Variants in EVL observed in about 807,000 individuals in gnomAD.
The protein encoded by EVL is ena/VASP-like protein.
Under a neutral mutation model 59.6 loss-of-function variants are expected in EVL, and 21 were observed. The observed-to-expected ratio is 0.35, with a 90% CI of 0.25 to 0.51. The LOEUF is 0.51. Among genes scored for constraint, EVL ranks in the 20% least tolerant of loss-of-function variants. EVL has a pLI of 0.97. For synonymous variants in EVL, 198 were observed against 203.5 expected (o/e 0.97, Z 0.23); for missense variants, 462 against 546.6 (o/e 0.85, Z 1.54).
chr14:100,124,955 C>T (rs1007032430), intron 4 of EVL, among the ~76,000 whole-genome samples: 1 of 152,048 alleles, frequency 6.6e-6, no homozygotes, highest in Admixed American at 6.6e-5. Flanking sequence ...GACGAGACCA[C>T]GTACGGACGG....
intron 1 of EVL, among the ~76,000 whole-genome samples, chr14:100,000,548 C>T (rs1437017285): frequency 1.3e-5 from 2 of 151,932 alleles, no homozygotes; most frequent in Admixed American, 6.6e-5. Flanking sequence ...GGGGTTTCAC[C>T]GTTTTAGCCA....
intron 1 of EVL, among the ~76,000 whole-genome samples, chr14:100,048,045 A>T (rs1425056745): frequency 6.6e-6 from 1 of 152,252 alleles, no homozygotes; most frequent in Non-Finnish European, 1.5e-5. Flanking sequence ...GACAATCTTC[A>T]TGACCTGGGA....
At chr14:100,027,630 C>CT (rs1006157505) in intron 1 of EVL, among the ~76,000 whole-genome samples, 2 of 151,276 alleles carry the variant, frequency 1.3e-5, no homozygotes, top group African/African-American at 2.4e-5. Context: ...ATTTATACCA[C>CT]TTTTTTTTTA....
chr14:100,103,889 G>A (rs761682943), intron 3 of EVL, among the ~76,000 whole-genome samples: 15 of 152,190 alleles, frequency 9.9e-5, no homozygotes, highest in Non-Finnish European at 1.3e-4. Flanking sequence ...TTTTCTCTGC[G>A]TTTTTCACAT....
chr14:100,061,864 T>A (rs1342492074), upstream of EVL, among the ~76,000 whole-genome samples: 5 of 152,110 alleles, frequency 3.3e-5, no homozygotes, highest in Non-Finnish European at 4.4e-5. Context: ...ATGGATTATC[T>A]TAAAGTTCTT....
chr14:100,140,438 C>T (rs1889095898), intron 11 of EVL: 1 of 152,174 alleles, frequency 6.6e-6, no homozygotes, highest in Non-Finnish European at 1.5e-5. Flanking sequence ...TGGTGAAACC[C>T]CATCTCTGCT....
intron 1 of EVL, among the ~76,000 whole-genome samples, chr14:100,017,504 T>C (rs941060201): frequency 1.3e-5 from 2 of 152,192 alleles, no homozygotes; most frequent in African/African-American, 2.4e-5. Context: ...ATAAAGAACT[T>C]TCCAACTCCT....
At chr14:99,996,339 G>T (rs2060914023) in intron 1 of EVL, among the ~76,000 whole-genome samples, 1 of 152,002 alleles carries the variant, frequency 6.6e-6, no homozygotes, top group Non-Finnish European at 1.5e-5. Context: ...ATCTCCATAG[G>T]GGAAGGAGGA....
chr14:100,061,795 T>G (rs574377830), upstream of EVL, among the ~76,000 whole-genome samples: 8 of 152,284 alleles, frequency 5.3e-5, no homozygotes, highest in African/African-American at 1.9e-4. Flanking sequence ...GAGAAAAAAT[T>G]TTATTAAAAT....
At chr14:99,983,285 AT>A in intron 1 of EVL, among the ~76,000 whole-genome samples, 1 of 152,202 alleles carries the variant, frequency 6.6e-6, no homozygotes. Flanking sequence ...GAGACATAAT[AT>A]TTGGACGTAG....
intron 1 of EVL, among the ~76,000 whole-genome samples, chr14:100,024,353 A>G (rs1240446769): frequency 1.3e-5 from 2 of 152,220 alleles, no homozygotes; most frequent in African/African-American, 2.4e-5. Context: ...CAAGAGCCCA[A>G]GCCAGCTTGG....
At chr14:99,979,518 T>C (rs529050197) in intron 1 of EVL, among the ~76,000 whole-genome samples, 5 of 152,312 alleles carry the variant, frequency 3.3e-5, no homozygotes, top group African/African-American at 1.2e-4. Flanking sequence ...CCTCTGTGTC[T>C]GTCGATTCTG....
At chr14:100,138,624 T>C (rs1761893845) in intron 11 of EVL, 1 of 152,748 alleles carries the variant, frequency 6.5e-6, no homozygotes, top group Non-Finnish European at 1.5e-5. Flanking sequence ...TGAGGAAGTC[T>C]TAGCAGTCAG....
At chr14:100,062,104 C>G (rs545511535), upstream of EVL, among the ~76,000 whole-genome samples, 3 of 151,284 alleles carry the variant, frequency 2.0e-5, no homozygotes, top group African/African-American at 7.3e-5. Context: ...TACCACTGTA[C>G]GCCGGCCTAC....
At chr14:100,092,211 C>T (rs781516046) in intron 2 of EVL, among the ~76,000 whole-genome samples, 5 of 152,066 alleles carry the variant, frequency 3.3e-5, no homozygotes, top group Admixed American at 6.6e-5. Context: ...CAGTGCACTC[C>T]AGTGTGGGTA....
intron 1 of EVL, among the ~76,000 whole-genome samples, chr14:100,076,677 T>C (rs868700373): frequency 1.2e-4 from 18 of 152,244 alleles, no homozygotes; most frequent in African/African-American, 4.3e-4. Context: ...TCGGCTCGGC[T>C]GAGAAAAGTA....
chr14:100,101,951 C>T (rs1344918754), intron 3 of EVL, among the ~76,000 whole-genome samples: 3 of 152,266 alleles, frequency 2.0e-5, no homozygotes, highest in East Asian at 3.9e-4. Context: ...GATTCCCTTG[C>T]CTCAGCCTCA....
chr14:100,084,692 A>G lies in EVL; in HGVS notation c.17A>G (p.Gln6Arg). 6.2e-7 allele frequency: 1 copy of G among 1,614,136 alleles called. No individual in the cohort carries two copies. Among genetic ancestry groups the G allele is most frequent in the Non-Finnish European group, 8.5e-7 (1 of 1,179,982 alleles). Residue 6 changes from glutamine (Q) to arginine (R), a missense_variant, in exon 2 of 14, where the codon CAG becomes CGG. Coordinates refer to ENST00000392920, the MANE Select transcript of EVL (RefSeq NM_016337.3). MATSE[Q>R]SICQARASVM... ...AGTTTTTTCTTGCTCGGCAGTGAAC[A>G]GAGTATCTGCCAAGCCCGGGCTTCC...
At position 99,995,365 on chromosome 14, in the gene EVL, T is replaced by A. The variant is rs551007958; in HGVS notation, c.5+23308T>A. On this transcript the variant is annotated intron_variant, in intron 1 of 13. Coordinates refer to the EVL transcript ENST00000402714. ...CCCTCTGACTCAGTAATTTCAAATG[T>A]CTTGACTTTGAGTTCGGTGGTTCTG... Among the ~76,000 whole-genome samples, 3 of 152,330 alleles carry A rather than the reference T, an allele frequency of 2.0e-5. No homozygotes were observed. The South Asian group carries it at 6.2e-4, about 32-fold the overall frequency.
Sources: allele counts gnomAD v4.1 joint callset (sites outside exome capture counted in the v4.1 genomes callset), GRCh38; gene constraint gnomAD v4.1.1; transcripts MANE v1.5; gene names NCBI Gene and HGNC (gene_info 2026-07-23, HGNC 2026-07-21).